Variants in ANKIB1 observed in about 807,000 individuals in gnomAD.
ANKIB1 encodes the protein ankyrin repeat and IBR domain-containing protein 1.
Under a neutral mutation model 122.1 loss-of-function variants are expected in ANKIB1, and 43 were observed. That is an observed-to-expected ratio of 0.35 (90% CI 0.28 to 0.45). The LOEUF is 0.45. Ranked by LOEUF, ANKIB1 falls within the 20% of genes least tolerant of loss-of-function variation. ANKIB1 has a pLI of 1.00. For synonymous variants in ANKIB1, 390 were observed against 442.0 expected (o/e 0.88, Z 1.48); for missense variants, 992 against 1,329.5 (o/e 0.75, Z 3.95).
At chr7:92,267,472 G>A (rs1801696242) in intron 1 of ANKIB1, among the ~76,000 whole-genome samples, 2 of 152,130 alleles carry the variant, frequency 1.3e-5, no homozygotes, top group African/African-American at 4.8e-5. Context: ...GGTGAATCAT[G>A]TAGTATATGC....
intron 9 of ANKIB1, among the ~76,000 whole-genome samples, chr7:92,359,109 A>G (rs10277500): frequency 0.025 from 3,746 of 152,276 alleles, 165 homozygotes; most frequent in African/African-American, 0.086. Context: ...TCTGTTGTAC[A>G]TGTGCAGAAC....
chr7:92,248,733 T>TA (rs1344190763), intron 1 of ANKIB1, among the ~76,000 whole-genome samples: 3 of 152,328 alleles, frequency 2.0e-5, no homozygotes, highest in African/African-American at 7.2e-5. Context: ...TGGGAGTTTT[T>TA]ATACATTGAT....
chr7:92,350,757 C>T (rs768954937), intron 7 of ANKIB1, among the ~76,000 whole-genome samples, 193 bp from the exon 8 acceptor site: 1 of 151,978 alleles, frequency 6.6e-6, no homozygotes, highest in Admixed American at 6.6e-5. Flanking sequence ...CTCAGAAGAC[C>T]GAGGTGAGAG....
At chr7:92,353,738 T>C (rs1362358760) in intron 9 of ANKIB1, among the ~76,000 whole-genome samples, 1 of 152,224 alleles carries the variant, frequency 6.6e-6, no homozygotes, top group African/African-American at 2.4e-5. Context: ...ATACTTATTA[T>C]TAAACATAAC....
chr7:92,386,236 G>A (rs59964758), intron 11 of ANKIB1, among the ~76,000 whole-genome samples: 4,679 of 152,080 alleles, frequency 0.031, 217 homozygotes, highest in African/African-American at 0.1. Flanking sequence ...GATATTATTT[G>A]GAAAGAATGG....
Position 92,399,857 on chromosome 7 carries a change from T to C in ANKIB1, c.*908T>C, listed in dbSNP as rs1009889119. The C allele has an allele frequency of 1.3e-5, 2 of 152,228 alleles. No individual in the cohort carries two copies. Among genetic ancestry groups the C allele is most frequent in the South Asian group, 2.1e-4 (1 of 4,834 alleles). 9.4% of individuals were successfully genotyped at this position (152,228 alleles called of 1,614,324 possible). The stretch of plus-strand genomic sequence containing the variant: ...TTTATTGGAAGTGCAATCATAGTTA[T>C]TTGTTTTCACAATTTTACAGTGCAT... On this transcript the variant is annotated 3_prime_UTR_variant, in exon 20 of 20. Transcript: ENST00000265742.
chr7:92,385,123 GA>G (rs1171020131), intron 11 of ANKIB1, among the ~76,000 whole-genome samples: 1 of 152,152 alleles, frequency 6.6e-6, no homozygotes, highest in Non-Finnish European at 1.5e-5. Context: ...CAACAGGCAT[GA>G]AAAAATGCTC....
At chr7:92,260,847 C>G (rs988516899) in intron 1 of ANKIB1, among the ~76,000 whole-genome samples, 1 of 152,216 alleles carries the variant, frequency 6.6e-6, no homozygotes, top group Middle Eastern at 3.4e-3. Flanking sequence ...ACAATAATGC[C>G]TAGCACATGA....
chr7:92,263,055 A>T lies in ANKIB1; in HGVS notation c.-91+16536A>T, dbSNP rs140292210. On this transcript the variant is annotated intron_variant, in intron 1 of 19. Coordinates refer to ENST00000265742, the MANE Select transcript of ANKIB1 (RefSeq NM_019004.2). Reference sequence around the variant, plus strand: ...GATTTGTGTTCATAATTTTCTCAATATACTATAAGGTCTTTCCAAAATGAT... The same window carrying T: ...GATTTGTGTTCATAATTTTCTCAATTTACTATAAGGTCTTTCCAAAATGAT... Among the ~76,000 whole-genome samples the T allele has an allele frequency of 9.2e-5, 14 of 152,302 alleles. No individual in the cohort carries two copies. The East Asian group carries it at 2.7e-3, about 29-fold the overall frequency.
chr7:92,334,265 C>T (rs1368135520), intron 5 of ANKIB1, among the ~76,000 whole-genome samples: 1 of 152,004 alleles, frequency 6.6e-6, no homozygotes, highest in African/African-American at 2.4e-5. Context: ...GTATTTTGCT[C>T]AGTTAAATAA....
chr7:92,307,288 A>G, intron 2 of ANKIB1, 71 bp from the exon 3 acceptor site: 1 of 1,400,646 alleles, frequency 7.1e-7, no homozygotes, highest in Non-Finnish European at 9.6e-7. Flanking sequence ...TAAAAGTGTT[A>G]TCTTCAATGT....
At chr7:92,352,271 A>G (rs1803681526) in intron 8 of ANKIB1, among the ~76,000 whole-genome samples, 1 of 152,212 alleles carries the variant, frequency 6.6e-6, no homozygotes, top group African/African-American at 2.4e-5. Flanking sequence ...TAATTTTGTT[A>G]CTAAGTTAAT....
rs541681686 is a variant in ANKIB1, at chr7:92,316,074, A to G, written c.487-3256A>G. 6.6e-5 allele frequency among the ~76,000 whole-genome samples: 10 copies of G among 152,252 alleles called. No homozygotes were observed. In the South Asian group the frequency reaches 2.1e-3, roughly 32 times the overall value. On this transcript the variant is annotated intron_variant, in intron 3 of 19. Coordinates refer to ENST00000265742, the MANE Select transcript of ANKIB1 (RefSeq NM_019004.2). ...AGGGAAAGAAAGGCAGAATAGAAGA[A>G]CAGATGTGCTGCGATCATGATAATT...
At chr7:92,323,745 T>C (rs924292245) in intron 4 of ANKIB1, among the ~76,000 whole-genome samples, 1 of 152,126 alleles carries the variant, frequency 6.6e-6, no homozygotes, top group African/African-American at 2.4e-5. Flanking sequence ...ATACACACAA[T>C]AGAATATTAC....
At position 92,398,510 on chromosome 7, in the gene ANKIB1, A is replaced by G. The variant is rs932364759; in HGVS notation, c.2831A>G (p.Glu944Gly). The G allele has an allele frequency of 6.2e-7, 1 of 1,613,840 alleles. No homozygotes were observed. The highest frequency in any genetic ancestry group is 1.3e-5 in the African/African-American group (1 of 74,914). ...TDTLSSHPLS[E>G]ARSDFCPSSS... is the part of the protein sequence containing the mutation. ...ACCCTGAGCTCACACCCTCTCAGTGAGGCAAGAAGTGATTTCTGTCCCTCA... is the reference window on the plus strand; with the variant it reads ...ACCCTGAGCTCACACCCTCTCAGTGGGGCAAGAAGTGATTTCTGTCCCTCA... The change falls in exon 20 of 20, where the codon GAG (glutamate) becomes GGG (glycine). Residue 944 changes from glutamate (E) to glycine (G), a missense_variant. Around this residue, in one of 4 missense-constraint regions of ANKIB1, gnomAD observed 384 missense variants for 412.0 expected, o/e 0.93. Coordinates refer to ENST00000265742, the MANE Select transcript of ANKIB1 (RefSeq NM_019004.2).
intron 1 of ANKIB1, among the ~76,000 whole-genome samples, chr7:92,282,137 T>G (rs1802022157): frequency 6.6e-6 from 1 of 152,140 alleles, no homozygotes; most frequent in African/African-American, 2.4e-5. Flanking sequence ...AGTTCACCTT[T>G]TGGGGCATAA....
At chr7:92,278,713 A>C (rs1387937711) in intron 1 of ANKIB1, among the ~76,000 whole-genome samples, 1 of 152,210 alleles carries the variant, frequency 6.6e-6, no homozygotes, top group Admixed American at 6.5e-5. Flanking sequence ...CTGAATTTTC[A>C]AAAATTTTTG....
At chr7:92,303,523 G>A (rs1326733043) in intron 2 of ANKIB1, among the ~76,000 whole-genome samples, 3 of 152,118 alleles carry the variant, frequency 2.0e-5, no homozygotes, top group African/African-American at 7.2e-5. Context: ...CTTTCAGAGT[G>A]GATGGACTCT....
chr7:92,324,266 C>G (rs1279941620), intron 4 of ANKIB1, among the ~76,000 whole-genome samples: 1 of 152,180 alleles, frequency 6.6e-6, no homozygotes, highest in African/African-American at 2.4e-5. Flanking sequence ...CAGAGTCTCA[C>G]TGTGTTGCCC....
Sources: allele counts gnomAD v4.1 joint callset (sites outside exome capture counted in the v4.1 genomes callset), GRCh38; gene constraint gnomAD v4.1.1; regional missense constraint gnomAD v4.1.1; transcripts MANE v1.5; gene names NCBI Gene and HGNC (gene_info 2026-07-23, HGNC 2026-07-21).